Variants in SYT7 observed in about 807,000 individuals in gnomAD.
SYT7 encodes synaptotagmin 7.
In SYT7, 29 loss-of-function variants were observed where a neutral mutation model predicts 75.1. The observed-to-expected ratio is 0.39, with a 90% CI of 0.29 to 0.53. The LOEUF (loss-of-function observed/expected upper bound fraction) is 0.53, where lower values mean the gene tolerates loss of function less well. SYT7 is among the 20% of genes least tolerant of loss of function. The pLI, the probability that SYT7 is intolerant of heterozygous loss-of-function variation, is 0.77. For missense variants in SYT7, 693 were observed against 953.2 expected, an observed-to-expected ratio of 0.73 and a Z score of 3.59; for synonymous variants, 376 against 401.7, an observed-to-expected ratio of 0.94 and a Z score of 0.76.
In SYT7 at chr11:61,567,676, C is replaced by T. The variant is rs2063809350; in HGVS notation, c.32-11469G>A. On this transcript the variant is annotated intron_variant, in intron 1 of 12. Coordinates refer to ENST00000539008, the MANE Select transcript of SYT7 (RefSeq NM_001365809.2). ...ACGTGGTAAATACCACGCCCCATTCCCTCCCGGGGGCCCGCCGCACTGCCT... is the reference window on the plus strand; with the variant it reads ...ACGTGGTAAATACCACGCCCCATTCTCTCCCGGGGGCCCGCCGCACTGCCT... Among the ~76,000 whole-genome samples, 3 of 152,370 alleles carry T rather than the reference C, an allele frequency of 2.0e-5. No homozygotes were observed. In the South Asian group the frequency reaches 6.2e-4, roughly 32 times the overall value.
intron 2 of SYT7, among the ~76,000 whole-genome samples, chr11:61,554,995 C>T (rs941480737): frequency 6.6e-6 from 1 of 152,228 alleles, no homozygotes; most frequent in South Asian, 2.1e-4. Flanking sequence ...CTGGGACTCT[C>T]AGGTCTTTCC....
chr11:61,535,336 C>T (rs1452936008), intron 7 of SYT7, among the ~76,000 whole-genome samples: 1 of 152,216 alleles, frequency 6.6e-6, no homozygotes, highest in African/African-American at 2.4e-5. Context: ...AACATGGTGG[C>T]TTCAGAGTAG....
At chr11:61,570,124 G>A (rs1042883561) in intron 1 of SYT7, among the ~76,000 whole-genome samples, 3 of 152,272 alleles carry the variant, frequency 2.0e-5, no homozygotes, top group Non-Finnish European at 4.4e-5. Flanking sequence ...AAGGCACAGA[G>A]AGGAAACAGT....
In SYT7 at chr11:61,580,909, G is replaced by A. The variant is rs2064245981; in HGVS notation, c.-89C>T. 1 of 1,082,542 alleles carries A rather than the reference G, an allele frequency of 9.2e-7. No individual in the cohort carries two copies. The highest frequency in any genetic ancestry group is 1.7e-5 in the African/African-American group (1 of 59,130). 67.1% of individuals were successfully genotyped at this position (1,082,542 alleles called of 1,614,324 possible). A position where few individuals can be genotyped will look rare whatever the true frequency, so the allele number is the denominator to read the frequency against. On this transcript the variant is annotated 5_prime_UTR_variant, in exon 1 of 13. Transcript: ENST00000539008. The surrounding 1 kb of genome is among the most constrained non-coding windows in gnomAD (Gnocchi z 6.1). Reference sequence around the variant, plus strand: ...CCGCCGCCGCTGGGCATGGGGCCGGGCGACCCCCGGGGGCGGGTCCGAGGG... The same window carrying A: ...CCGCCGCCGCTGGGCATGGGGCCGGACGACCCCCGGGGGCGGGTCCGAGGG...
At chr11:61,548,221 G>C (rs7939113) in intron 3 of SYT7, among the ~76,000 whole-genome samples, 1 of 152,204 alleles carries the variant, frequency 6.6e-6, no homozygotes, top group Non-Finnish European at 1.5e-5. Flanking sequence ...CCTGTGTAGC[G>C]GGAACCTGTC....
chr11:61,530,179 A>G (rs575143667), intron 8 of SYT7, among the ~76,000 whole-genome samples: 2 of 152,200 alleles, frequency 1.3e-5, no homozygotes, highest in Non-Finnish European at 2.9e-5. Flanking sequence ...AATGGAACCC[A>G]GTTTATCGGC....
chr11:61,544,559 C>A (rs2063132595), intron 5 of SYT7, among the ~76,000 whole-genome samples: 1 of 152,146 alleles, frequency 6.6e-6, no homozygotes, highest in Non-Finnish European at 1.5e-5. Context: ...GGGGGCAGGT[C>A]AAGGCAGAGG....
upstream of SYT7, among the ~76,000 whole-genome samples, chr11:61,581,633 T>C (rs1178545899): frequency 1.3e-5 from 2 of 152,200 alleles, no homozygotes; most frequent in South Asian, 2.1e-4. Context: ...GCCAGTCCGG[T>C]CTTTCTGCAA....
chr11:61,580,179 C>T lies in SYT7; in HGVS notation c.31+611G>A, dbSNP rs1218518256. On this transcript the variant is annotated intron_variant, in intron 1 of 12. Transcript: ENST00000539008. The surrounding 1 kb of genome is among the most constrained non-coding windows in gnomAD (Gnocchi z 6.1). ...ACCTAGGAGAACATTCTCTTGGCAC[C>T]CCCATTCTCATGAGCCCCTGCTCTC... 2.0e-5 allele frequency among the ~76,000 whole-genome samples: 3 copies of T among 151,586 alleles called. No individual in the cohort carries two copies. Among genetic ancestry groups the T allele is most frequent in the African/African-American group, 7.3e-5 (3 of 41,230 alleles).
At chr11:61,535,540 C>T (rs1444393781) in intron 7 of SYT7, among the ~76,000 whole-genome samples, 3 of 152,196 alleles carry the variant, frequency 2.0e-5, no homozygotes, top group South Asian at 2.1e-4. Context: ...GGCCTCCCTC[C>T]CTCCCGGGAG....
In SYT7 at chr11:61,542,364, T is replaced by C. The variant is rs2063068868; in HGVS notation, c.788A>G (p.Asn263Ser). 1 of 1,529,854 alleles carries C rather than the reference T, an allele frequency of 6.5e-7. No homozygotes were observed. The highest frequency in any genetic ancestry group is 1.2e-5 in the South Asian group (1 of 83,726). The allele number at this position is 1,529,854 out of a possible 1,614,324, so 94.8% of individuals were successfully genotyped here. A position where few individuals can be genotyped will look rare whatever the true frequency, so the allele number is the denominator to read the frequency against. Reference protein sequence around the residue: ...QAHMASAPGPNPRAYGRGQAR... With the variant: ...QAHMASAPGPSPRAYGRGQAR... ...CTGGCCCCGGCCATAGGCCCGGGGGTTGGGGCCTGGTGCCGAGGCCATGTG... is the reference window on the plus strand; with the variant it reads ...CTGGCCCCGGCCATAGGCCCGGGGGCTGGGGCCTGGTGCCGAGGCCATGTG... The change falls in exon 6 of 13, where the codon AAC (asparagine) becomes AGC (serine). Residue 263 changes from asparagine to serine, a missense_variant. By Grantham distance (46) the Asn-to-Ser change is conservative. Around this residue, in one of 2 missense-constraint regions of SYT7, gnomAD observed 487 missense variants for 593.2 expected, o/e 0.82. Transcript: ENST00000539008. The surrounding 1 kb of genome is among the most constrained non-coding windows in gnomAD (Gnocchi z 7.8).
At chr11:61,525,493 A>ACC (rs2062487199) in intron 9 of SYT7, among the ~76,000 whole-genome samples, 2 of 149,482 alleles carry the variant, frequency 1.3e-5, no homozygotes, top group Admixed American at 1.3e-4. Context: ...CCCCATCATG[A>ACC]CCCCCCTCCT....
In SYT7 at chr11:61,544,887, G is replaced by A. The variant is rs529872671; in HGVS notation, c.572+1144C>T. Among the ~76,000 whole-genome samples the A allele has an allele frequency of 7.2e-5, 11 of 152,304 alleles. No individual in the cohort carries two copies. In the South Asian group the frequency reaches 1.0e-3, roughly 14 times the overall value. ...CAACTAGCGAAAGAGATCTTGGTAC[G>A]GTGGCCTTCGGTGCTCCCAATGGCA... On this transcript the variant is annotated intron_variant, in intron 5 of 12. Coordinates refer to ENST00000539008, the MANE Select transcript of SYT7 (RefSeq NM_001365809.2).
Position 61,580,688 on chromosome 11 carries a change from G to T in SYT7, c.31+102C>A. The T allele has an allele frequency of 1.2e-6, 1 of 812,508 alleles. No homozygotes were observed. The highest frequency in any genetic ancestry group is 1.8e-5 in the African/African-American group (1 of 55,484). The allele number at this position is 812,508 out of a possible 1,614,324, so 50.3% of individuals were successfully genotyped here. A position where few individuals can be genotyped will look rare whatever the true frequency, so the allele number is the denominator to read the frequency against. ...CCCTGGGGGAGCCCGTGCGGCTCCG[G>T]GCGGACAACAGCCCCAGGCTGGGGC... is the stretch of plus-strand genomic sequence containing the variant. On this transcript the variant is annotated intron_variant, in intron 1 of 12. Coordinates refer to ENST00000539008, the MANE Select transcript of SYT7 (RefSeq NM_001365809.2). This position sits in a 1 kb window ranked among gnomAD's most constrained non-coding sequence, Gnocchi z 6.1.
At chr11:61,581,680 C>T (rs1373179777), upstream of SYT7, among the ~76,000 whole-genome samples, 2 of 152,244 alleles carry the variant, frequency 1.3e-5, no homozygotes, top group African/African-American at 2.4e-5. Context: ...GCTAAGATCC[C>T]TGCCCTCGGT....
chr11:61,532,689 C>T (rs1426011474), intron 8 of SYT7, among the ~76,000 whole-genome samples: 3 of 152,210 alleles, frequency 2.0e-5, no homozygotes, highest in African/African-American at 4.8e-5. Flanking sequence ...GGCCCCTTCT[C>T]AATCCACAAA....
At chr11:61,565,796 T>C (rs969268601) in intron 1 of SYT7, among the ~76,000 whole-genome samples, 1 of 152,218 alleles carries the variant, frequency 6.6e-6, no homozygotes, top group African/African-American at 2.4e-5. Flanking sequence ...GGAATTGTTT[T>C]GGAAAGTTAC....
At chr11:61,563,636 C>T (rs1264104010) in intron 1 of SYT7, among the ~76,000 whole-genome samples, 1 of 152,208 alleles carries the variant, frequency 6.6e-6, no homozygotes, top group Admixed American at 6.5e-5. Flanking sequence ...CCTAGCCACA[C>T]TTTCCTCTTT....
At chr11:61,562,386 AG>A (rs1297351461) in intron 1 of SYT7, among the ~76,000 whole-genome samples, 1 of 152,158 alleles carries the variant, frequency 6.6e-6, no homozygotes, top group Non-Finnish European at 1.5e-5. Context: ...TCTGTAAATG[AG>A]GGCTGATAAT....
Sources: gnomAD v4.1 joint callset for allele counts (sites outside exome capture counted in the v4.1 genomes callset) on GRCh38, gnomAD v4.1.1 for gene constraint, gnomAD v4.1.1 regional missense constraint, Gnocchi (gnomAD v3.1) non-coding constraint, MANE v1.5 for transcripts, NCBI Gene and HGNC (gene_info 2026-07-23, HGNC 2026-07-21) for gene names.